The following CNGB3 variants were observed in gnomAD, a reference collection of about 807,000 sequenced individuals.
CNGB3 encodes the protein cyclic nucleotide gated channel subunit beta 3, also known as cyclic nucleotide-gated channel beta-3.
CNGB3 carries 86 observed loss-of-function variants against 92.8 expected under a neutral mutation model. The ratio of observed to expected loss-of-function variants is 0.93; its 90% CI spans 0.78 to 1.11. The LOEUF is 1.11. Ranked by LOEUF, CNGB3 falls within the 50% of genes least tolerant of loss-of-function variation. The probability of loss-of-function intolerance (pLI) is 0.00; values close to 1 mark genes in which losing one functional copy is unlikely to be tolerated. For missense variants in CNGB3, 1,026 were observed against 956.8 expected (o/e 1.07, Z -0.95); for synonymous variants, 333 against 332.7 (o/e 1.00, Z -0.01).
At chr8:86,667,954 T>C in intron 5 of CNGB3, 65 bp downstream of exon 5, 4 of 1,532,928 alleles carry the variant, frequency 2.6e-6, no homozygotes, top group Non-Finnish European at 2.7e-6. Flanking sequence ...TCTGTGACTT[T>C]GAGTCACAGG....
chr8:86,658,799 C>T, intron 6 of CNGB3: 1 of 547,980 alleles, frequency 1.8e-6, no homozygotes, highest in South Asian at 2.3e-5. Context: ...GCTCTTTGAG[C>T]TCACCATTCT....
intron 6 of CNGB3, among the ~76,000 whole-genome samples, chr8:86,666,408 AGGCCTG>A (rs1345525952): frequency 6.6e-6 from 1 of 152,196 alleles, no homozygotes; most frequent in Non-Finnish European, 1.5e-5. Flanking sequence ...TGTAGAGGCA[AGGCCTG>A]GGTTAGGATC....
intron 15 of CNGB3, among the ~76,000 whole-genome samples, chr8:86,589,366 C>A (rs1821972139): frequency 6.8e-6 from 1 of 147,658 alleles, no homozygotes; most frequent in African/African-American, 2.5e-5. Flanking sequence ...TTAGTTATTT[C>A]TCGCCTTCTG....
intron 10 of CNGB3, among the ~76,000 whole-genome samples, chr8:86,638,467 T>C (rs548448217): frequency 6.6e-6 from 1 of 152,266 alleles, no homozygotes; most frequent in South Asian, 2.1e-4. Flanking sequence ...ATGCAATTTT[T>C]AAAAGTACCC....
At chr8:86,663,905 A>G (rs1823692115) in intron 6 of CNGB3, among the ~76,000 whole-genome samples, 1 of 152,174 alleles carries the variant, frequency 6.6e-6, no homozygotes, top group East Asian at 1.9e-4. Context: ...TTAACACTTC[A>G]TTGTGTGCAA....
At position 86,620,058 on chromosome 8, in the gene CNGB3, C is replaced by T. The variant is rs576044773; in HGVS notation, c.1578+5925G>A. ...GACTCTAGTGAAACTTTTCCAGTTC[C>T]TTCCCACCTTATCAGTGATCCGGAT... On this transcript the variant is annotated intron_variant, in intron 13 of 17. Transcript: ENST00000320005. Among the ~76,000 whole-genome samples, 5 of 152,178 alleles carry T rather than the reference C, an allele frequency of 3.3e-5. No individual in the cohort carries two copies. The East Asian group carries it at 5.8e-4, about 18-fold the overall frequency.
chr8:86,655,031 A>G (rs1342298534), intron 6 of CNGB3, among the ~76,000 whole-genome samples: 1 of 152,102 alleles, frequency 6.6e-6, no homozygotes, highest in African/African-American at 2.4e-5. Flanking sequence ...ATCATTCTTC[A>G]TTCTCCTTGA....
chr8:86,622,375 C>CTT (rs11318413), intron 13 of CNGB3, among the ~76,000 whole-genome samples: 1 of 131,692 alleles, frequency 7.6e-6, no homozygotes, highest in Non-Finnish European at 1.6e-5. Context: ...GGCCATTCTT[C>CTT]TTTTTTTTTT....
intron 3 of CNGB3, among the ~76,000 whole-genome samples, chr8:86,707,229 A>G (rs181764830): frequency 6.6e-6 from 1 of 152,340 alleles, no homozygotes; most frequent in African/African-American, 2.4e-5. Flanking sequence ...GAATATAGAA[A>G]TAAGCATAAC....
chr8:86,724,363 A>G (rs1392629087), intron 3 of CNGB3, among the ~76,000 whole-genome samples: 1 of 152,186 alleles, frequency 6.6e-6, no homozygotes, highest in Admixed American at 6.6e-5. Context: ...CTGAGCAGGA[A>G]GGAATGGGAA....
intron 11 of CNGB3, 75 bp from the exon 12 acceptor site, chr8:86,629,153 A>G: frequency 6.9e-7 from 1 of 1,445,082 alleles, no homozygotes; most frequent in Non-Finnish European, 9.7e-7. Flanking sequence ...CATGTTTTCC[A>G]CATGATATAC....
chr8:86,621,108 G>A (rs970186888), intron 13 of CNGB3, among the ~76,000 whole-genome samples: 1 of 152,132 alleles, frequency 6.6e-6, no homozygotes, highest in Non-Finnish European at 1.5e-5. Flanking sequence ...AAAAAACTAT[G>A]AGGCAAAAAA....
intron 2 of CNGB3, among the ~76,000 whole-genome samples, chr8:86,734,827 T>C (rs1335220299): frequency 1.3e-5 from 2 of 152,156 alleles, no homozygotes; most frequent in Non-Finnish European, 2.9e-5. Context: ...ATCTGGCTTG[T>C]ATCAGGGTTG....
intron 3 of CNGB3, among the ~76,000 whole-genome samples, chr8:86,672,272 TA>T (rs1475361704): frequency 6.6e-6 from 1 of 152,082 alleles, no homozygotes; most frequent in Non-Finnish European, 1.5e-5. Flanking sequence ...CTAATTTTTG[TA>T]GTTTTAGTAG....
At chr8:86,646,159 C>A (rs1823288725) in intron 8 of CNGB3, among the ~76,000 whole-genome samples, 1 of 150,936 alleles carries the variant, frequency 6.6e-6, no homozygotes, top group South Asian at 2.1e-4. Context: ...TTGTTTATGT[C>A]CAAGCAGGTA....
intron 14 of CNGB3, among the ~76,000 whole-genome samples, chr8:86,606,767 G>A (rs781557643): frequency 6.6e-6 from 1 of 152,150 alleles, no homozygotes; most frequent in Non-Finnish European, 1.5e-5. Context: ...ATTGGCAGTC[G>A]AGGTTTAAAA....
In CNGB3 at chr8:86,613,693, G is replaced by A. The variant is rs1822561237; in HGVS notation, c.1579-2022C>T. Among the ~76,000 whole-genome samples, 4 of 151,594 alleles carry A rather than the reference G, an allele frequency of 2.6e-5. No individual in the cohort carries two copies. In the South Asian group the frequency reaches 8.3e-4, roughly 32 times the overall value. ...TTCATATAAATAATTTTAATTTTTG[G>A]CACTAATTTTTAAGGTTTTAATTAT... is the stretch of plus-strand genomic sequence containing the variant. On this transcript the variant is annotated intron_variant, in intron 13 of 17. Transcript: ENST00000320005.
chr8:86,669,334 T>TGAAATAACATTTCATA lies in CNGB3; in HGVS notation c.494-1167_494-1166insTATGAAATGTTATTTC, dbSNP rs1823811978. Among the ~76,000 whole-genome samples the TGAAATAACATTTCATA allele has an allele frequency of 3.3e-5, 5 of 152,048 alleles. No individual in the cohort carries two copies. In the South Asian group the frequency reaches 1.0e-3, roughly 32 times the overall value. ...AGTATACAATAAAAACAAAATAAAA[T>TGAAATAACATTTCATA]AGTAACATTTATGAAAATATACAGG... On this transcript the variant is annotated intron_variant, in intron 4 of 17. Coordinates refer to ENST00000320005, the MANE Select transcript of CNGB3 (RefSeq NM_019098.5).
chr8:86,647,656 A>T (rs1184886778), intron 8 of CNGB3, 145 bp downstream of exon 8: 1 of 577,402 alleles, frequency 1.7e-6, no homozygotes, highest in Non-Finnish European at 3.1e-6. Flanking sequence ...AGCATTGATG[A>T]GGGCAGAAAG....
Sources: gnomAD v4.1 joint callset for allele counts (sites outside exome capture counted in the v4.1 genomes callset) on GRCh38, gnomAD v4.1.1 for gene constraint, MANE v1.5 for transcripts, NCBI Gene and HGNC (gene_info 2026-07-23, HGNC 2026-07-21) for gene names.